Variants in CYP2C19 observed in about 807,000 individuals in gnomAD.
The protein encoded by CYP2C19 is cytochrome P450 family 2 subfamily C member 19.
Under a neutral mutation model 40.9 loss-of-function variants are expected in CYP2C19, and 59 were observed. The observed-to-expected ratio is 1.44, with a 90% CI of 1.17 to 1.79. The LOEUF (loss-of-function observed/expected upper bound fraction) is 1.79. Among genes scored for constraint, CYP2C19 ranks in the 40% most tolerant of loss-of-function variants. The probability of loss-of-function intolerance (pLI) is 0.00; values close to 1 mark genes in which losing one functional copy is unlikely to be tolerated. For missense variants in CYP2C19, 754 were observed against 596.9 expected (o/e 1.26, Z -2.74); for synonymous variants, 253 against 208.7 (o/e 1.21, Z -1.83).
At chr10:94,809,092 A>G (rs1236573369) in intron 5 of CYP2C19, among the ~76,000 whole-genome samples, 1 of 152,186 alleles carries the variant, frequency 6.6e-6, no homozygotes, top group Non-Finnish European at 1.5e-5. Flanking sequence ...CCTTACCAGC[A>G]TATGTTATTG....
At chr10:94,810,273 G>A (rs752500186) in intron 5 of CYP2C19, among the ~76,000 whole-genome samples, 61 of 152,190 alleles carry the variant, frequency 4.0e-4, no homozygotes, top group Non-Finnish European at 7.3e-4. Flanking sequence ...AGTGCTGCTG[G>A]ATTCAGTTTG....
At chr10:94,847,671 T>G (rs1272239956) in intron 7 of CYP2C19, among the ~76,000 whole-genome samples, 4 of 152,216 alleles carry the variant, frequency 2.6e-5, no homozygotes, top group African/African-American at 9.7e-5. Flanking sequence ...CCACAATGGT[T>G]GAACTAGTTT....
intron 1 of CYP2C19, 30 bp downstream of exon 1, chr10:94,762,903 A>C: frequency 1.9e-6 from 3 of 1,595,644 alleles, no homozygotes; most frequent in Non-Finnish European, 2.6e-6. Flanking sequence ...GGCTTGCAAA[A>C]GGTAAGTAAA....
Position 94,854,344 on chromosome 10 carries a change from C to G in CYP2C19, c.*1430C>G, listed in dbSNP as rs933786426. Among the ~76,000 whole-genome samples, 1 of 152,016 alleles carries G rather than the reference C, an allele frequency of 6.6e-6. No individual in the cohort carries two copies. Among genetic ancestry groups the G allele is most frequent in the Non-Finnish European group, 1.5e-5 (1 of 68,012 alleles). ...GAACAAAATTTCTAAGAAGAATTAC[C>G]AGGGTTTAATCTTTTTCAGCTTCTC... On this transcript the variant is annotated 3_prime_UTR_variant, in exon 9 of 9. Coordinates refer to ENST00000371321, the MANE Select transcript of CYP2C19 (RefSeq NM_000769.4).
At chr10:94,835,797 T>C (rs118037045) in intron 6 of CYP2C19, among the ~76,000 whole-genome samples, 4 of 152,298 alleles carry the variant, frequency 2.6e-5, no homozygotes, top group Non-Finnish European at 5.9e-5. Context: ...TTTTTCCTTT[T>C]CCTAATTCTA....
chr10:94,765,102 G>C (rs2134228995), intron 1 of CYP2C19, among the ~76,000 whole-genome samples: 1 of 152,274 alleles, frequency 6.6e-6, no homozygotes. Flanking sequence ...AGTAAGGATA[G>C]ATTTTGTTAT....
At chr10:94,804,133 G>A (rs1848802111) in intron 5 of CYP2C19, among the ~76,000 whole-genome samples, 1 of 152,146 alleles carries the variant, frequency 6.6e-6, no homozygotes, top group African/African-American at 2.4e-5. Flanking sequence ...CTGCTTTGAG[G>A]ATGGAATGGA....
At chr10:94,794,223 G>T (rs749690788) in intron 5 of CYP2C19, among the ~76,000 whole-genome samples, 2 of 152,066 alleles carry the variant, frequency 1.3e-5, no homozygotes, top group Non-Finnish European at 2.9e-5. Flanking sequence ...ACAGTATTAG[G>T]GTGGGAGTGT....
At chr10:94,827,657 C>T (rs889069104) in intron 6 of CYP2C19, among the ~76,000 whole-genome samples, 3 of 152,000 alleles carry the variant, frequency 2.0e-5, no homozygotes, top group African/African-American at 7.2e-5. Flanking sequence ...TTGTGTGTCT[C>T]TTTCCTTCAG....
At chr10:94,805,118 T>C (rs1231308055) in intron 5 of CYP2C19, among the ~76,000 whole-genome samples, 1 of 152,102 alleles carries the variant, frequency 6.6e-6, no homozygotes, top group East Asian at 1.9e-4. Context: ...GTGGACATCC[T>C]TGTTTTTTTT....
intron 5 of CYP2C19, among the ~76,000 whole-genome samples, chr10:94,815,308 T>C (rs1012808601): frequency 6.6e-6 from 1 of 152,234 alleles, no homozygotes; most frequent in African/African-American, 2.4e-5. Context: ...TGGTGTTAAC[T>C]ACACAATGTT....
chr10:94,796,240 A>G (rs1430310644), intron 5 of CYP2C19, among the ~76,000 whole-genome samples: 2 of 152,146 alleles, frequency 1.3e-5, no homozygotes, highest in Non-Finnish European at 2.9e-5. Context: ...TCCCAGCACT[A>G]TTTGTTAAAC....
chr10:94,814,093 T>C (rs1267815509), intron 5 of CYP2C19, among the ~76,000 whole-genome samples: 1 of 151,178 alleles, frequency 6.6e-6, no homozygotes, highest in Non-Finnish European at 1.5e-5. Flanking sequence ...CCTGCTTCAG[T>C]TTAGCCTCCA....
intron 6 of CYP2C19, among the ~76,000 whole-genome samples, chr10:94,842,508 A>G (rs548511552): frequency 6.6e-6 from 1 of 150,660 alleles, no homozygotes; most frequent in African/African-American, 2.4e-5. Flanking sequence ...ATTATTAAGT[A>G]AGGACTTACT....
At chr10:94,852,648 T>G in intron 8 of CYP2C19, 85 bp from the exon 9 acceptor site, 5 of 1,451,962 alleles carry the variant, frequency 3.4e-6, no homozygotes, top group Non-Finnish European at 4.8e-6. Flanking sequence ...TTGCATATTC[T>G]GTCTGTGCCA....
At position 94,820,495 on chromosome 10, in the gene CYP2C19, G is replaced by T; in HGVS notation, c.820-1G>T. 6.2e-7 allele frequency: 1 copy of T among 1,614,006 alleles called. No homozygotes were observed. Among genetic ancestry groups the T allele is most frequent in the Non-Finnish European group, 8.5e-7 (1 of 1,179,954 alleles). On this transcript the variant is annotated splice_acceptor_variant, in intron 5 of 8. Transcript: ENST00000371321. LOFTEE classifies it high-confidence loss of function. ...AGATAATTGCATCAAATCATTCCTA[G>T]GAAAAGCAAAACCAACAGTCTGAAT...
At chr10:94,791,824 G>A (rs1848609026) in intron 5 of CYP2C19, among the ~76,000 whole-genome samples, 1 of 152,162 alleles carries the variant, frequency 6.6e-6, no homozygotes, top group Admixed American at 6.5e-5. Context: ...ATGTGGTGCT[G>A]AGAAGAATGT....
At chr10:94,795,306 A>G (rs1173767702) in intron 5 of CYP2C19, among the ~76,000 whole-genome samples, 1 of 151,852 alleles carries the variant, frequency 6.6e-6, no homozygotes, top group African/African-American at 2.4e-5. Flanking sequence ...TTCCAGCTTC[A>G]TCCATGTCCC....
chr10:94,816,093 T>G (rs1234979382), intron 5 of CYP2C19, among the ~76,000 whole-genome samples: 1 of 96,754 alleles, frequency 1.0e-5, no homozygotes, highest in Non-Finnish European at 2.4e-5. Flanking sequence ...TGCTTATATA[T>G]TTTTTTTGCC....
Sources: allele counts gnomAD v4.1 joint callset (sites outside exome capture counted in the v4.1 genomes callset), GRCh38; gene constraint gnomAD v4.1.1; transcripts MANE v1.5; gene names NCBI Gene and HGNC (gene_info 2026-07-23, HGNC 2026-07-21).